Variants in AAK1 observed in about 807,000 individuals in gnomAD.
The protein encoded by AAK1 is AP2 associated kinase 1.
Under a neutral mutation model 116.0 loss-of-function variants are expected in AAK1, and 37 were observed. That is an observed-to-expected ratio of 0.32 (90% CI 0.25 to 0.42). The LOEUF is 0.42. Among genes scored for constraint, AAK1 ranks in the 10% least tolerant of loss-of-function variants. AAK1 has a pLI of 1.00. For missense variants in AAK1, 919 were observed against 1,170.6 expected (o/e 0.79, Z 3.14); for synonymous variants, 458 against 439.9 (o/e 1.04, Z -0.51).
intron 17 of AAK1, among the ~76,000 whole-genome samples, chr2:69,483,682 A>G (rs77779100): frequency 6.6e-6 from 1 of 152,200 alleles, no homozygotes; most frequent in African/African-American, 2.4e-5. Flanking sequence ...GCTGACTTCA[A>G]CGATCATTTA....
intron 2 of AAK1, among the ~76,000 whole-genome samples, chr2:69,591,523 C>CTTT (rs557305954): frequency 3.1e-5 from 4 of 130,008 alleles, no homozygotes; most frequent in Non-Finnish European, 6.4e-5. Context: ...TTTTCTTTTT[C>CTTT]TTTTTTTTTT....
At chr2:69,536,679 T>C (rs995150853) in intron 5 of AAK1, among the ~76,000 whole-genome samples, 3 of 152,218 alleles carry the variant, frequency 2.0e-5, no homozygotes, top group South Asian at 2.1e-4. Context: ...AAGAGTGCAA[T>C]TGAAGTTGTC....
At chr2:69,556,405 AAAGAACT>A (rs1337284365) in intron 3 of AAK1, among the ~76,000 whole-genome samples, 1 of 152,222 alleles carries the variant, frequency 6.6e-6, no homozygotes, top group African/African-American at 2.4e-5. Flanking sequence ...TTCCAGGTCG[AAAGAACT>A]ACATGTAAAA....
intron 2 of AAK1, chr2:69,598,260 T>C: frequency 2.4e-6 from 1 of 409,750 alleles, no homozygotes; most frequent in Non-Finnish European, 4.3e-6. Context: ...TTTTCACAGG[T>C]TATCCTCTGA....
Position 69,468,122 on chromosome 2 carries a change from G to C in AAK1, c.*7747C>G. 1.0e-6 allele frequency: 1 copy of C among 985,206 alleles called. No homozygotes were observed. Among genetic ancestry groups the C allele is most frequent in the Non-Finnish European group, 1.2e-6 (1 of 829,770 alleles). 61.0% of individuals were successfully genotyped at this position (985,206 alleles called of 1,614,324 possible). A position where few individuals can be genotyped will look rare whatever the true frequency, so the allele number is the denominator to read the frequency against. ...TATTTGAAGAATAAGATTTTGAAAA[G>C]AATAAATTTTTCCTTGTATTATAAT... On this transcript the variant is annotated 3_prime_UTR_variant, in exon 22 of 22. Coordinates refer to ENST00000409085, the MANE Select transcript of AAK1 (RefSeq NM_014911.5).
intron 2 of AAK1, among the ~76,000 whole-genome samples, chr2:69,587,612 C>T (rs1290364057): frequency 3.3e-5 from 5 of 151,816 alleles, no homozygotes; most frequent in African/African-American, 4.8e-5. Flanking sequence ...ATTACAGGGG[C>T]ATGCCACCAT....
intron 16 of AAK1, among the ~76,000 whole-genome samples, chr2:69,498,413 G>C (rs987884856): frequency 1.3e-4 from 19 of 151,710 alleles, no homozygotes; most frequent in Non-Finnish European, 1.5e-4. Flanking sequence ...GGATGCTCTG[G>C]GGTCTACTGG....
Position 69,465,937 on chromosome 2 carries a change from A to G in AAK1, c.*9932T>C. ...CCGGTCTGTGCAGGCAGCTCCTGGG[A>G]GGTGCATTGGATAACTGTTAACTCC... On this transcript the variant is annotated 3_prime_UTR_variant, in exon 22 of 22. Transcript: ENST00000409085. The G allele has an allele frequency of 7.7e-7, 1 of 1,290,758 alleles. No individual in the cohort carries two copies. Among genetic ancestry groups the G allele is most frequent in the Non-Finnish European group, 1.0e-6 (1 of 988,856 alleles). The allele number at this position is 1,290,758 out of a possible 1,614,324, so 80.0% of individuals were successfully genotyped here. A position where few individuals can be genotyped will look rare whatever the true frequency, so the allele number is the denominator to read the frequency against.
intron 16 of AAK1, chr2:69,500,237 G>C (rs965824376): frequency 5.9e-5 from 9 of 152,074 alleles, no homozygotes; most frequent in African/African-American, 1.7e-4. Context: ...TGAGTTCCTG[G>C]GATCTAGATG....
chr2:69,506,084 G>A (rs1389719117), intron 15 of AAK1, among the ~76,000 whole-genome samples: 1 of 152,166 alleles, frequency 6.6e-6, no homozygotes, highest in African/African-American at 2.4e-5. Context: ...AATGAGAAGA[G>A]GGAGTGGTGG....
intron 2 of AAK1, among the ~76,000 whole-genome samples, chr2:69,632,695 G>A (rs1282135354): frequency 6.6e-6 from 1 of 152,256 alleles, no homozygotes; most frequent in Middle Eastern, 3.4e-3. Context: ...TCAGGAGATC[G>A]AGACCATCCT....
chr2:69,465,376 G>T lies in AAK1; in HGVS notation c.*10493C>A, dbSNP rs1437333382. 1.6e-6 allele frequency: 2 copies of T among 1,220,620 alleles called. No homozygotes were observed. Among genetic ancestry groups the T allele is most frequent in the South Asian group, 2.9e-5 (2 of 70,054 alleles). 75.6% of individuals were successfully genotyped at this position (1,220,620 alleles called of 1,614,324 possible). A position where few individuals can be genotyped will look rare whatever the true frequency, so the allele number is the denominator to read the frequency against. ...GGCTAAGCTGGGAGTGCCATGGCGG[G>T]TATTGAGGGTGGGATAGAGACAAGA... is the stretch of plus-strand genomic sequence containing the variant. On this transcript the variant is annotated 3_prime_UTR_variant, in exon 22 of 22. Coordinates refer to ENST00000409085, the MANE Select transcript of AAK1 (RefSeq NM_014911.5).
intron 9 of AAK1, 75 bp downstream of exon 9, chr2:69,527,141 G>T: frequency 1.9e-6 from 2 of 1,053,118 alleles, no homozygotes; most frequent in Non-Finnish European, 1.4e-6. Flanking sequence ...CATTTAAACA[G>T]CTGATTAACA....
chr2:69,592,415 G>A (rs1302605054), intron 2 of AAK1, among the ~76,000 whole-genome samples: 1 of 152,142 alleles, frequency 6.6e-6, no homozygotes, highest in African/African-American at 2.4e-5. Context: ...TCCTAATAAT[G>A]CACAGGACAG....
Position 69,520,617 on chromosome 2 carries a change from T to C in AAK1, c.1210+217A>G, listed in dbSNP as rs528949108. On this transcript the variant is annotated intron_variant, in intron 11 of 21. Coordinates refer to ENST00000409085, the MANE Select transcript of AAK1 (RefSeq NM_014911.5). ...ACTGACCTCGGATGATTCACCCGCC[T>C]TAGCCTCCCAAAGTGTTGGGATTAC... is the stretch of plus-strand genomic sequence containing the variant. 2.6e-5 allele frequency among the ~76,000 whole-genome samples: 4 copies of C among 152,280 alleles called. No individual in the cohort carries two copies. The East Asian group carries it at 7.7e-4, about 29-fold the overall frequency.
At chr2:69,598,128 T>G in intron 2 of AAK1, 1 of 1,136,580 alleles carries the variant, frequency 8.8e-7, no homozygotes. Flanking sequence ...AAAACCATTA[T>G]GGCATTCAGG....
intron 2 of AAK1, among the ~76,000 whole-genome samples, chr2:69,561,935 T>C (rs1301656400): frequency 6.6e-6 from 1 of 152,248 alleles, no homozygotes; most frequent in Non-Finnish European, 1.5e-5. Context: ...TTTGGTCAAC[T>C]AGTATTCCAT....
rs533471004 is a variant in AAK1 at position 69,521,002 on chromosome 2, A to G, written c.1056-14T>C. 6 of 1,613,710 alleles carry G rather than the reference A, an allele frequency of 3.7e-6. No homozygotes were observed. The African/African-American group carries it at 8.0e-5, about 22-fold the overall frequency. Reference sequence around the variant, plus strand: ...GGATCTGTCAGTCTAGAAAGGGAAAAGAGAAAGGTTCATATTAAAGTATGG... The same window carrying G: ...GGATCTGTCAGTCTAGAAAGGGAAAGGAGAAAGGTTCATATTAAAGTATGG... On this transcript the variant is annotated splice_polypyrimidine_tract_variant and intron_variant, in intron 10 of 21. Transcript: ENST00000409085.
At chr2:69,478,002 T>C (rs1287604817) in intron 20 of AAK1, among the ~76,000 whole-genome samples, 2 of 152,362 alleles carry the variant, frequency 1.3e-5, no homozygotes, top group Admixed American at 1.3e-4. Flanking sequence ...GAATAGAATC[T>C]GATTCAAGCT....
Sources: gnomAD v4.1 joint callset for allele counts (sites outside exome capture counted in the v4.1 genomes callset) on GRCh38, gnomAD v4.1.1 for gene constraint, MANE v1.5 for transcripts, NCBI Gene and HGNC (gene_info 2026-07-23, HGNC 2026-07-21) for gene names.